Variants in SAMTOR observed in about 807,000 individuals in gnomAD.
SAMTOR encodes S-adenosylmethionine sensor upstream of mTORC1, also known as UPF0532 protein C7orf60.
At chr7:112,872,575 T>C in the SAMTOR span, among the ~76,000 whole-genome samples, 1 of 151,938 alleles carries the variant, frequency 6.6e-6, no homozygotes, top group Non-Finnish European at 1.5e-5. Flanking sequence ...AAATGTCCAC[T>C]CTCATCACTC....
the SAMTOR span, among the ~76,000 whole-genome samples, chr7:112,838,943 G>T: frequency 2.0e-5 from 3 of 151,582 alleles, no homozygotes; most frequent in East Asian, 1.9e-4. Flanking sequence ...AGAATTAGAG[G>T]TTTCATAAGA....
the SAMTOR span, among the ~76,000 whole-genome samples, chr7:112,932,568 C>CTA: frequency 6.6e-6 from 1 of 152,096 alleles, no homozygotes; most frequent in East Asian, 1.9e-4. Context: ...AGGCCTGGTG[C>CTA]TATGTACTAA....
At chr7:112,912,143 G>A in the SAMTOR span, among the ~76,000 whole-genome samples, 3 of 151,804 alleles carry the variant, frequency 2.0e-5, no homozygotes, top group Non-Finnish European at 2.9e-5. Context: ...ATATGATGAC[G>A]GTGTTGTGGT....
the SAMTOR span, chr7:112,821,737 T>C: frequency 6.4e-7 from 1 of 1,574,526 alleles, no homozygotes. Context: ...GGCTTTTTGC[T>C]TCTATATTAA....
the SAMTOR span, among the ~76,000 whole-genome samples, chr7:112,902,461 C>CA: frequency 1.5e-5 from 1 of 64,800 alleles, no homozygotes; most frequent in African/African-American, 5.4e-5. Flanking sequence ...AAAAAAAAAA[C>CA]CAAAAAAGTT....
the SAMTOR span, among the ~76,000 whole-genome samples, chr7:112,901,055 A>G: frequency 2.4e-4 from 37 of 152,326 alleles, no homozygotes; most frequent in Admixed American, 7.2e-4. Context: ...TCACTAAATT[A>G]AAATTTTTTG....
chr7:112,842,593 C>T, the SAMTOR span, among the ~76,000 whole-genome samples: 1 of 151,934 alleles, frequency 6.6e-6, no homozygotes, highest in East Asian at 1.9e-4. Context: ...TCCAGTTTAA[C>T]TTTTAAAGTA....
the SAMTOR span, among the ~76,000 whole-genome samples, chr7:112,826,988 G>C: frequency 6.6e-6 from 1 of 152,136 alleles, no homozygotes; most frequent in African/African-American, 2.4e-5. Context: ...TAGGTGCATA[G>C]ACCAAGTTTG....
chr7:112,843,334 C>T, the SAMTOR span, among the ~76,000 whole-genome samples: 2 of 151,816 alleles, frequency 1.3e-5, no homozygotes, highest in African/African-American at 4.8e-5. Context: ...TCTTTAGTAA[C>T]ACATTAAATA....
chr7:112,910,151 C>T, the SAMTOR span, among the ~76,000 whole-genome samples: 1 of 151,592 alleles, frequency 6.6e-6, no homozygotes, highest in African/African-American at 2.4e-5. Flanking sequence ...TATTTGAACA[C>T]CCCACCCCCC....
chr7:112,882,103 C>T, the SAMTOR span, among the ~76,000 whole-genome samples: 1 of 152,230 alleles, frequency 6.6e-6, no homozygotes, highest in Non-Finnish European at 1.5e-5. Flanking sequence ...TTGTGGTACA[C>T]TGGATCCAGC....
chr7:112,827,999 A>G, the SAMTOR span, among the ~76,000 whole-genome samples: 14 of 152,094 alleles, frequency 9.2e-5, no homozygotes, highest in Non-Finnish European at 1.9e-4. Context: ...TTACAGGTGT[A>G]AGCCACCATG....
At chr7:112,821,574 A>G in the SAMTOR span, 3 of 556,172 alleles carry the variant, frequency 5.4e-6, no homozygotes, top group South Asian at 3.4e-5. Flanking sequence ...AGCTTTCTAT[A>G]TAAGAATAAA....
At chr7:112,904,756 TA>T in the SAMTOR span, among the ~76,000 whole-genome samples, 10 of 152,184 alleles carry the variant, frequency 6.6e-5, no homozygotes, top group Admixed American at 3.9e-4. Context: ...ATAAAAAGTT[TA>T]AACAAAACAA....
At chr7:112,844,550 GGTGGATGATCTC>G in the SAMTOR span, among the ~76,000 whole-genome samples, 1 of 151,986 alleles carries the variant, frequency 6.6e-6, no homozygotes, top group African/African-American at 2.4e-5. Flanking sequence ...TAACCCGGAA[GGTGGATGATCTC>G]TAGAATGAGA....
chr7:112,903,087 G>C, the SAMTOR span, among the ~76,000 whole-genome samples: 6 of 152,242 alleles, frequency 3.9e-5, no homozygotes, highest in African/African-American at 1.4e-4. Flanking sequence ...GCCGAGGCAG[G>C]CAGATCACCT....
the SAMTOR span, chr7:112,820,389 C>T: frequency 6.6e-6 from 1 of 152,116 alleles, no homozygotes; most frequent in Non-Finnish European, 1.5e-5. Context: ...CAAACATACG[C>T]ACAACATTAA....
chr7:112,882,908 T>G, the SAMTOR span, among the ~76,000 whole-genome samples: 1 of 152,186 alleles, frequency 6.6e-6, no homozygotes, highest in South Asian at 2.1e-4. Context: ...AATGAACTGC[T>G]AACTTAAAAC....
the SAMTOR span, among the ~76,000 whole-genome samples, chr7:112,864,239 G>C: frequency 6.6e-6 from 1 of 152,124 alleles, no homozygotes; most frequent in Non-Finnish European, 1.5e-5. Context: ...AAACCTATTG[G>C]AGGGTGGGAA....
Sources: allele counts gnomAD v4.1 joint callset (sites outside exome capture counted in the v4.1 genomes callset), GRCh38; gene constraint gnomAD v4.1.1; transcripts MANE v1.5; gene names NCBI Gene and HGNC (gene_info 2026-07-23, HGNC 2026-07-21).